Variants in ABCA13 observed in about 807,000 individuals in gnomAD.
ABCA13 encodes the protein ATP binding cassette subfamily A member 13, also known as ATP-binding cassette sub-family A member 13.
In ABCA13, 476 loss-of-function variants were observed where a neutral mutation model predicts 478.7. The ratio of observed to expected loss-of-function variants is 0.99; its 90% CI spans 0.92 to 1.07. The LOEUF (loss-of-function observed/expected upper bound fraction) is 1.07, where lower values mean the gene tolerates loss of function less well. Among genes scored for constraint, ABCA13 ranks in the 50% least tolerant of loss-of-function variants. The pLI is 0.00. For synonymous variants in ABCA13, 2,252 were observed against 2,158.9 expected, an observed-to-expected ratio of 1.04 and a Z score of -1.20; for missense variants, 6,060 against 5,910.6, an observed-to-expected ratio of 1.03 and a Z score of -0.83.
At chr7:48,626,794 G>A in intron 59 of ABCA13, 2 of 985,586 alleles carry the variant, frequency 2.0e-6, no homozygotes, top group Non-Finnish European at 2.4e-6. Context: ...AGTTGGGTGG[G>A]CTGTGAGGGT....
intron 47 of ABCA13, among the ~76,000 whole-genome samples, chr7:48,487,254 G>A (rs1829395307): frequency 6.6e-6 from 1 of 151,126 alleles, no homozygotes. Context: ...ATGTTGCAGT[G>A]AGCTGAGATC....
At position 48,618,613 on chromosome 7, in the gene ABCA13, G is replaced by A. The variant is rs987394726; in HGVS notation, c.14837+3236G>A. ...GGCAGCTGGAAGGAAACCTGAGCAA[G>A]GGATTTTATTGTGATTTCTATTGGA... On this transcript the variant is annotated intron_variant, in intron 59 of 61. Transcript: ENST00000435803. Among the ~76,000 whole-genome samples, 6 of 152,304 alleles carry A rather than the reference G, an allele frequency of 3.9e-5. No individual in the cohort carries two copies. In the South Asian group the frequency reaches 1.0e-3, roughly 26 times the overall value.
intron 15 of ABCA13, among the ~76,000 whole-genome samples, chr7:48,250,338 T>G (rs1231071403): frequency 1.3e-5 from 2 of 152,166 alleles, no homozygotes; most frequent in Non-Finnish European, 2.9e-5. Flanking sequence ...CATTAGTGAT[T>G]GACTCAACTT....
chr7:48,572,040 C>T (rs977989779), intron 55 of ABCA13, among the ~76,000 whole-genome samples: 12 of 152,052 alleles, frequency 7.9e-5, no homozygotes, highest in African/African-American at 2.9e-4. Flanking sequence ...ATTAGCTGGG[C>T]CTGGTGGCAC....
chr7:48,177,248 G>T (rs746023883), intron 1 of ABCA13, among the ~76,000 whole-genome samples: 11 of 152,320 alleles, frequency 7.2e-5, no homozygotes, highest in Non-Finnish European at 1.2e-4. Flanking sequence ...TTGCTGTAAG[G>T]ATTTACTAAG....
At chr7:48,213,828 TGCTTGCTTATCCATAAGAA>T in intron 3 of ABCA13, among the ~76,000 whole-genome samples, 1 of 152,342 alleles carries the variant, frequency 6.6e-6, no homozygotes, top group East Asian at 1.9e-4. Flanking sequence ...GAAACCACTT[TGCTTGCTTATCCATAAGAA>T]GCAACTCCTC....
At chr7:48,177,161 A>T in intron 1 of ABCA13, among the ~76,000 whole-genome samples, 1 of 152,142 alleles carries the variant, frequency 6.6e-6, no homozygotes, top group East Asian at 1.9e-4. Context: ...TTTCTTTTGG[A>T]CATTGTTTTA....
chr7:48,459,530 C>T (rs893413138), intron 43 of ABCA13, among the ~76,000 whole-genome samples: 1 of 152,148 alleles, frequency 6.6e-6, no homozygotes, highest in Non-Finnish European at 1.5e-5. Flanking sequence ...GGCTCAGATG[C>T]CCCCTTCCAA....
rs964563430 is a variant in ABCA13, at chr7:48,244,313, T to C, written c.1263-263T>C. On this transcript the variant is annotated intron_variant, in intron 10 of 61. Transcript: ENST00000435803. ...GAAACTTTATCCTAACCCTCACTTC[T>C]TTTACACACACCTAGGAATATACTT... Among the ~76,000 whole-genome samples, 3 of 152,356 alleles carry C rather than the reference T, an allele frequency of 2.0e-5. No individual in the cohort carries two copies. The East Asian group carries it at 5.8e-4, about 29-fold the overall frequency.
chr7:48,504,246 T>A (rs1018276309), intron 48 of ABCA13, among the ~76,000 whole-genome samples: 2 of 152,164 alleles, frequency 1.3e-5, no homozygotes, highest in African/African-American at 4.8e-5. Context: ...GGGTTTCACT[T>A]TAAAGGAGAT....
intron 47 of ABCA13, among the ~76,000 whole-genome samples, chr7:48,487,324 C>CAA (rs1445389488): frequency 7.2e-6 from 1 of 138,798 alleles, no homozygotes; most frequent in Non-Finnish European, 1.5e-5. Context: ...AAAAACAAAA[C>CAA]AAAACAAAAC....
intron 15 of ABCA13, among the ~76,000 whole-genome samples, chr7:48,259,671 A>C (rs1397724519): frequency 6.6e-6 from 1 of 152,014 alleles, no homozygotes; most frequent in Admixed American, 6.6e-5. Flanking sequence ...TACTATGCAG[A>C]CTTGATTGTG....
At chr7:48,416,851 C>A (rs113293620) in intron 41 of ABCA13, among the ~76,000 whole-genome samples, 2 of 152,046 alleles carry the variant, frequency 1.3e-5, no homozygotes, top group African/African-American at 4.8e-5. Flanking sequence ...CTACAGAGCT[C>A]GGGCCTGTTA....
intron 45 of ABCA13, 23 bp from the exon 46 acceptor site, chr7:48,481,013 T>A (rs1828696909): frequency 1.3e-6 from 2 of 1,515,342 alleles, no homozygotes; most frequent in Admixed American, 2.0e-5. Flanking sequence ...AGTTTGTTTT[T>A]ATCTTTTTGA....
At chr7:48,468,204 C>A (rs996688698) in intron 44 of ABCA13, among the ~76,000 whole-genome samples, 1 of 152,102 alleles carries the variant, frequency 6.6e-6, no homozygotes, top group Non-Finnish European at 1.5e-5. Flanking sequence ...GACAGCAGAA[C>A]GTATTGGACA....
At chr7:48,462,320 T>C (rs1826334404) in intron 43 of ABCA13, among the ~76,000 whole-genome samples, 1 of 152,038 alleles carries the variant, frequency 6.6e-6, no homozygotes, top group Admixed American at 6.5e-5. Context: ...AGGGGGATTA[T>C]TTTTGTAGCT....
At position 48,386,119 on chromosome 7, in the gene ABCA13, T is replaced by C. The variant is rs1373636524; in HGVS notation, c.11336-1703T>C. ...AACAACAGTCAAGCCCAGAGTTAAA[T>C]CAGTAACAAACTTCCATTCACAACT... On this transcript the variant is annotated intron_variant, in intron 35 of 61. Coordinates refer to ENST00000435803, the MANE Select transcript of ABCA13 (RefSeq NM_152701.5). Among the ~76,000 whole-genome samples, 4 of 152,260 alleles carry C rather than the reference T, an allele frequency of 2.6e-5. No individual in the cohort carries two copies. In the East Asian group the frequency reaches 5.8e-4, roughly 22 times the overall value.
chr7:48,499,409 G>T (rs992130263), intron 48 of ABCA13, among the ~76,000 whole-genome samples: 1 of 152,144 alleles, frequency 6.6e-6, no homozygotes, highest in African/African-American at 2.4e-5. Flanking sequence ...TACTTCTAAA[G>T]ATATACATTT....
Position 48,372,179 on chromosome 7 carries a change from G to T in ABCA13, c.10815G>T (p.Met3605Ile), listed in dbSNP as rs1812740399. Residue 3605 changes from methionine (M) to isoleucine (I), a missense_variant, in exon 33 of 62, where the codon ATG (methionine) becomes ATT (isoleucine). Transcript: ENST00000435803. Reference protein sequence around the residue: ...QEIQIEEYMRMMGVHPVIHFL... With the variant: ...QEIQIEEYMRIMGVHPVIHFL... The stretch of plus-strand genomic sequence containing the variant: ...TCTCTTTTTGGTAGTATATGCGGAT[G>T]ATGGGAGTGCATCCAGTGATCCATT... 1 of 1,612,776 alleles carries T rather than the reference G, an allele frequency of 6.2e-7. No individual in the cohort carries two copies. Among genetic ancestry groups the T allele is most frequent in the African/African-American group, 1.3e-5 (1 of 74,916 alleles).
Sources: gnomAD v4.1 joint callset for allele counts (sites outside exome capture counted in the v4.1 genomes callset) on GRCh38, gnomAD v4.1.1 for gene constraint, MANE v1.5 for transcripts, NCBI Gene and HGNC (gene_info 2026-07-23, HGNC 2026-07-21) for gene names.